LRP1B: variants seen among roughly 807,000 people sequenced by gnomAD.
The protein encoded by LRP1B is low-density lipoprotein receptor-related protein 1B.
LRP1B carries 217 observed loss-of-function variants against 556.6 expected under a neutral mutation model. That is an observed-to-expected ratio of 0.39 (90% CI 0.35 to 0.44). The LOEUF (loss-of-function observed/expected upper bound fraction) is 0.44. Ranked by LOEUF, LRP1B falls within the 20% of genes least tolerant of loss-of-function variation. The pLI, the probability that LRP1B is intolerant of heterozygous loss-of-function variation, is 1.00. For synonymous variants in LRP1B, 2,047 were observed against 1,865.8 expected (o/e 1.10, Z -2.50); for missense variants, 5,053 against 5,620.8 (o/e 0.90, Z 3.23).
At chr2:141,417,126 A>C (rs1168318555) in intron 3 of LRP1B, among the ~76,000 whole-genome samples, 1 of 152,184 alleles carries the variant, frequency 6.6e-6, no homozygotes, top group Non-Finnish European at 1.5e-5. Context: ...ACGTAAGGAG[A>C]AATTCACATA....
intron 2 of LRP1B, among the ~76,000 whole-genome samples, chr2:141,617,398 T>C (rs1317451152): frequency 6.6e-6 from 1 of 152,162 alleles, no homozygotes; most frequent in African/African-American, 2.4e-5. Flanking sequence ...CGGGTACAAT[T>C]TCAGGGGTCT....
At chr2:141,313,354 T>TA (rs1311863690) in intron 3 of LRP1B, among the ~76,000 whole-genome samples, 5 of 150,918 alleles carry the variant, frequency 3.3e-5, no homozygotes, top group Admixed American at 6.6e-5. Flanking sequence ...TCAAATTTTG[T>TA]AAAAAAAGAA....
chr2:141,093,494 T>C (rs781464203), intron 7 of LRP1B, among the ~76,000 whole-genome samples: 5 of 152,186 alleles, frequency 3.3e-5, no homozygotes, highest in East Asian at 3.9e-4. Context: ...GAATAAAGTT[T>C]AGCAATTTAA....
In LRP1B at chr2:142,115,495, ATATAATATATATTATATAT is replaced by A. The variant is rs1559079358; in HGVS notation, c.82+15134_82+15152del. ...TTACATACATATAATATATAATTAT[ATATAATATATATTATATAT>A]TACATATATAATATATATATTACAT... On this transcript the variant is annotated intron_variant, in intron 1 of 90. Coordinates refer to ENST00000389484, the MANE Select transcript of LRP1B (RefSeq NM_018557.3). Among the ~76,000 whole-genome samples the A allele has an allele frequency of 1.7e-4, 17 of 100,150 alleles. 3 individuals carry two copies. The East Asian group carries it at 4.8e-3, about 28-fold the overall frequency. 65.7% of individuals were successfully genotyped at this position (100,150 alleles called of 152,430 possible).
chr2:140,333,528 A>G (rs914820683), intron 79 of LRP1B, among the ~76,000 whole-genome samples: 41 of 152,122 alleles, frequency 2.7e-4, no homozygotes, highest in African/African-American at 8.9e-4. Flanking sequence ...CTCCCCATAA[A>G]GAGTAAAAAC....
chr2:140,306,614 T>C (rs1684078701), intron 83 of LRP1B, among the ~76,000 whole-genome samples: 1 of 137,568 alleles, frequency 7.3e-6, no homozygotes, highest in Non-Finnish European at 1.7e-5. Context: ...GCTCCTGGAT[T>C]CATTGATTTT....
chr2:140,294,991 C>T (rs1025797562), intron 84 of LRP1B, among the ~76,000 whole-genome samples: 13 of 152,158 alleles, frequency 8.5e-5, no homozygotes, highest in Non-Finnish European at 4.4e-5. Flanking sequence ...ATCATCCTGC[C>T]TCAGCCTCCC....
chr2:140,949,190 T>A (rs762786571), intron 20 of LRP1B, among the ~76,000 whole-genome samples: 1 of 152,240 alleles, frequency 6.6e-6, no homozygotes, highest in Non-Finnish European at 1.5e-5. Context: ...TATGTTTTCA[T>A]CCTTTTATTT....
chr2:140,811,508 G>A (rs1690924304), intron 32 of LRP1B, among the ~76,000 whole-genome samples: 1 of 151,988 alleles, frequency 6.6e-6, no homozygotes, highest in Non-Finnish European at 1.5e-5. Flanking sequence ...TATTATTCAA[G>A]ATTTTTAACA....
intron 11 of LRP1B, among the ~76,000 whole-genome samples, chr2:141,045,046 T>C (rs541342378): frequency 4.0e-4 from 60 of 151,408 alleles, no homozygotes; most frequent in African/African-American, 1.3e-3. Flanking sequence ...ATAGACTGGA[T>C]TAAGAAAACG....
chr2:140,976,046 T>TTGG (rs1247631627), intron 18 of LRP1B, among the ~76,000 whole-genome samples: 7 of 152,080 alleles, frequency 4.6e-5, no homozygotes, highest in African/African-American at 1.7e-4. Flanking sequence ...GCCTCCCAAG[T>TTGG]AACTGGGACT....
chr2:141,752,234 A>G lies in LRP1B; in HGVS notation c.205+58045T>C, dbSNP rs557924439. ...AAGTTTAATTTTCTGTGCTGTAGTT[A>G]CAAATGCATTTTTAAGTACACGGAG... On this transcript the variant is annotated intron_variant, in intron 2 of 90. Coordinates refer to ENST00000389484, the MANE Select transcript of LRP1B (RefSeq NM_018557.3). 1.2e-4 allele frequency among the ~76,000 whole-genome samples: 18 copies of G among 152,270 alleles called. No individual in the cohort carries two copies. The South Asian group carries it at 3.3e-3, about 28-fold the overall frequency.
intron 7 of LRP1B, among the ~76,000 whole-genome samples, chr2:141,096,679 A>AGAGAGAGAGAGAGAGAGAGG (rs1700328675): frequency 3.4e-5 from 3 of 88,450 alleles, no homozygotes; most frequent in Admixed American, 1.3e-4. Context: ...AGAGAGAGAG[A>AGAGAGAGAGAGAGAGAGAGG]GAGAGAGAGA....
In LRP1B at chr2:140,457,515, T is replaced by C. The variant is rs758907907; in HGVS notation, c.9762A>G (p.Ser3254=). The change falls in exon 61 of 91, where the codon TCA becomes TCG. Residue 3254 remains serine (S), a synonymous_variant. Coordinates refer to ENST00000389484, the MANE Select transcript of LRP1B (RefSeq NM_018557.3). ...SGADRLSLIY[S]WHAITDIQVY... is the part of the protein sequence containing the mutation. ...CCTGGATATCTGTGATGGCATGCCA[T>C]GAGTAAATCAGTGAGAGTCTGTCTG... 1.4e-5 allele frequency: 23 copies of C among 1,613,738 alleles called. No individual in the cohort carries two copies. The African/African-American group carries it at 2.3e-4, about 16-fold the overall frequency.
chr2:141,796,817 G>A (rs1220409667), intron 2 of LRP1B, among the ~76,000 whole-genome samples: 1 of 151,442 alleles, frequency 6.6e-6, no homozygotes, highest in Non-Finnish European at 1.5e-5. Flanking sequence ...ATCTTTGGGA[G>A]GAATTTTTTT....
chr2:141,598,029 G>C (rs189436303), intron 2 of LRP1B, among the ~76,000 whole-genome samples: 5 of 151,974 alleles, frequency 3.3e-5, no homozygotes, highest in Admixed American at 1.3e-4. Context: ...AACACACACA[G>C]AGCCGTGTAT....
At chr2:141,581,660 C>T (rs1265087376) in intron 2 of LRP1B, among the ~76,000 whole-genome samples, 6 of 152,112 alleles carry the variant, frequency 3.9e-5, no homozygotes, top group South Asian at 2.1e-4. Context: ...TAGATAATTA[C>T]GATGCTTCAA....
intron 7 of LRP1B, among the ~76,000 whole-genome samples, chr2:141,131,906 G>C (rs7585270): frequency 0.023 from 3,485 of 151,790 alleles, 122 homozygotes; most frequent in African/African-American, 0.079. Context: ...TTCTTTAGTG[G>C]TGATTTATGA....
At chr2:141,763,806 T>A (rs1465294923) in intron 2 of LRP1B, among the ~76,000 whole-genome samples, 1 of 152,118 alleles carries the variant, frequency 6.6e-6, no homozygotes, top group Non-Finnish European at 1.5e-5. Flanking sequence ...TAAGAATATA[T>A]AATGGTAAAA....
Sources: allele counts gnomAD v4.1 joint callset (sites outside exome capture counted in the v4.1 genomes callset), GRCh38; gene constraint gnomAD v4.1.1; transcripts MANE v1.5; gene names NCBI Gene and HGNC (gene_info 2026-07-23, HGNC 2026-07-21).